The following SPOCK1 variants were observed in gnomAD, a reference collection of about 807,000 sequenced individuals.
SPOCK1 encodes testican-1.
SPOCK1 carries 23 observed loss-of-function variants against 55.3 expected under a neutral mutation model. The observed-to-expected ratio is 0.42, with a 90% CI of 0.30 to 0.59. The LOEUF is 0.59. Among genes scored for constraint, SPOCK1 ranks in the 20% least tolerant of loss-of-function variants. The pLI is 0.22. For synonymous variants in SPOCK1, 226 were observed against 221.0 expected (o/e 1.02, Z -0.20); for missense variants, 499 against 552.5 (o/e 0.90, Z 0.97).
chr5:137,293,056 C>G (rs1269635889), intron 2 of SPOCK1, among the ~76,000 whole-genome samples: 1 of 141,004 alleles, frequency 7.1e-6, no homozygotes, highest in Non-Finnish European at 1.5e-5. Context: ...GTGGCCACTG[C>G]TGTTTCATTC....
At chr5:137,262,972 A>T (rs780871985) in intron 3 of SPOCK1, among the ~76,000 whole-genome samples, 53 of 152,222 alleles carry the variant, frequency 3.5e-4, no homozygotes, top group Non-Finnish European at 6.6e-4. Flanking sequence ...AGTACTTATC[A>T]TTATTGCCAT....
chr5:137,138,185 T>C (rs955142355), intron 4 of SPOCK1, among the ~76,000 whole-genome samples: 1 of 152,228 alleles, frequency 6.6e-6, no homozygotes, highest in Non-Finnish European at 1.5e-5. Context: ...AACCTGGGAA[T>C]TGAGCCCAGA....
chr5:137,168,648 C>T (rs1020969338), intron 3 of SPOCK1, among the ~76,000 whole-genome samples: 1 of 152,120 alleles, frequency 6.6e-6, no homozygotes, highest in Non-Finnish European at 1.5e-5. Flanking sequence ...ATCAAAACTA[C>T]AATGAGATAC....
At chr5:137,397,035 T>C (rs556453024) in intron 2 of SPOCK1, among the ~76,000 whole-genome samples, 15 of 152,350 alleles carry the variant, frequency 9.8e-5, no homozygotes, top group African/African-American at 3.1e-4. Context: ...GTTGAGCAAG[T>C]TGCCCAAGGT....
At chr5:137,016,664 G>A (rs1038619002) in intron 6 of SPOCK1, among the ~76,000 whole-genome samples, 5 of 152,272 alleles carry the variant, frequency 3.3e-5, no homozygotes, top group South Asian at 2.1e-4. Context: ...TCACAGGGAC[G>A]GGGTATATTT....
intron 3 of SPOCK1, among the ~76,000 whole-genome samples, chr5:137,195,533 G>A (rs1412566691): frequency 2.0e-5 from 3 of 152,242 alleles, no homozygotes; most frequent in East Asian, 3.8e-4. Flanking sequence ...GGAAGATGTG[G>A]GAGCTGGGGC....
chr5:137,154,707 C>T (rs188337492), intron 3 of SPOCK1, among the ~76,000 whole-genome samples: 2 of 152,268 alleles, frequency 1.3e-5, no homozygotes. Context: ...GCTTTATGAT[C>T]ATCATAATGC....
At chr5:137,319,296 T>C (rs569741719) in intron 2 of SPOCK1, among the ~76,000 whole-genome samples, 1 of 152,352 alleles carries the variant, frequency 6.6e-6, no homozygotes, top group South Asian at 2.1e-4. Flanking sequence ...GATGAATATT[T>C]CCTTTGGCCT....
chr5:137,412,753 C>G (rs1480802905), intron 2 of SPOCK1, among the ~76,000 whole-genome samples: 1 of 152,152 alleles, frequency 6.6e-6, no homozygotes, highest in Non-Finnish European at 1.5e-5. Flanking sequence ...TCACAGGCCT[C>G]AAGAACAAGT....
chr5:137,449,055 T>C, intron 2 of SPOCK1, among the ~76,000 whole-genome samples: 1 of 152,214 alleles, frequency 6.6e-6, no homozygotes, highest in Non-Finnish European at 1.5e-5. Context: ...AGGCCCTGCT[T>C]CAAGGCATCA....
intron 2 of SPOCK1, among the ~76,000 whole-genome samples, chr5:137,369,097 A>G (rs1751141572): frequency 6.6e-6 from 1 of 152,238 alleles, no homozygotes; most frequent in South Asian, 2.1e-4. Flanking sequence ...GCTGACAAGT[A>G]GGCTGAGTTG....
At chr5:137,469,999 T>C (rs1199086755) in intron 2 of SPOCK1, among the ~76,000 whole-genome samples, 1 of 152,168 alleles carries the variant, frequency 6.6e-6, no homozygotes, top group Admixed American at 6.5e-5. Context: ...TAGAACACTC[T>C]TCACTCCATG....
chr5:137,321,657 C>T (rs1170136098), intron 2 of SPOCK1, among the ~76,000 whole-genome samples: 3 of 152,032 alleles, frequency 2.0e-5, no homozygotes, highest in Non-Finnish European at 4.4e-5. Flanking sequence ...AGGTGGATCA[C>T]GAGGTCAGGA....
At chr5:137,170,421 T>C (rs948717409) in intron 3 of SPOCK1, among the ~76,000 whole-genome samples, 1 of 152,192 alleles carries the variant, frequency 6.6e-6, no homozygotes, top group Non-Finnish European at 1.5e-5. Flanking sequence ...TGGACTGAAT[T>C]CTGTCCCTCC....
chr5:137,148,142 C>G (rs927221452), intron 3 of SPOCK1, among the ~76,000 whole-genome samples: 2 of 152,166 alleles, frequency 1.3e-5, no homozygotes, highest in Non-Finnish European at 2.9e-5. Context: ...GAGACAATGA[C>G]AAGCCATGAC....
chr5:137,110,659 C>G (rs1753450448), intron 5 of SPOCK1, among the ~76,000 whole-genome samples: 1 of 152,184 alleles, frequency 6.6e-6, no homozygotes, highest in Non-Finnish European at 1.5e-5. Context: ...CTGAGATGGG[C>G]TATGGCTATT....
intron 2 of SPOCK1, among the ~76,000 whole-genome samples, chr5:137,419,114 T>C (rs138298624): frequency 0.011 from 1,676 of 152,322 alleles, 27 homozygotes; most frequent in African/African-American, 0.038. Context: ...TGGTTGTAGA[T>C]ATGCAGCATT....
At position 137,493,909 on chromosome 5, in the gene SPOCK1, C is replaced by G. The variant is rs115682194; in HGVS notation, c.186+4464G>C. ...GATATGTTAGATCAAATGAGCAGAT[C>G]AGATGCTCGCTGCCACCCCAGCTCT... is the stretch of plus-strand genomic sequence containing the variant. On this transcript the variant is annotated intron_variant, in intron 2 of 10. Coordinates refer to ENST00000394945, the MANE Select transcript of SPOCK1 (RefSeq NM_004598.4). Among the ~76,000 whole-genome samples, 453 of 152,250 alleles carry G rather than the reference C, an allele frequency of 3.0e-3. 3 individuals are homozygous for G. The highest frequency in any genetic ancestry group is 0.011 in the African/African-American group (440 of 41,532).
At chr5:137,461,222 T>G (rs1454415692) in intron 2 of SPOCK1, among the ~76,000 whole-genome samples, 2 of 152,240 alleles carry the variant, frequency 1.3e-5, no homozygotes, top group Non-Finnish European at 2.9e-5. Flanking sequence ...AGTCCGTGTC[T>G]TGGGAGATCC....
Sources: allele counts gnomAD v4.1 joint callset (sites outside exome capture counted in the v4.1 genomes callset), GRCh38; gene constraint gnomAD v4.1.1; transcripts MANE v1.5; gene names NCBI Gene and HGNC (gene_info 2026-07-23, HGNC 2026-07-21).